ACCSL: variants seen among roughly 807,000 people sequenced by gnomAD.
ACCSL encodes the protein probable inactive 1-aminocyclopropane-1-carboxylate synthase-like protein 2.
In ACCSL, 55 loss-of-function variants were observed where a neutral mutation model predicts 61.7. That is an observed-to-expected ratio of 0.89 (90% confidence interval 0.72 to 1.12). ACCSL has a LOEUF of 1.12. ACCSL is among the 50% of genes most tolerant of loss of function. ACCSL has a pLI of 0.00. For missense variants in ACCSL, 632 were observed against 698.0 expected, an observed-to-expected ratio of 0.91 and a Z score of 1.07; for synonymous variants, 258 against 264.3, an observed-to-expected ratio of 0.98 and a Z score of 0.23.
At chr11:43,957,854 C>T in the ACCSL span, among the ~76,000 whole-genome samples, 1 of 152,186 alleles carries the variant, frequency 6.6e-6, no homozygotes, top group East Asian at 1.9e-4. Flanking sequence ...CCAACAACTT[C>T]CCGTCATGGC....
chr11:43,943,283 CCCGCGGGGGGGACGCGCGCGT>C, the ACCSL span: 12 of 1,481,300 alleles, frequency 8.1e-6, no homozygotes, highest in South Asian at 1.3e-5. This position sits in a 1 kb window ranked among gnomAD's most constrained non-coding sequence, Gnocchi z 4.8. Flanking sequence ...AGGGGCGCCG[CCCGCGGGGGGGACGCGCGCGT>C]CCGCGGTCCG....
the ACCSL span, among the ~76,000 whole-genome samples, chr11:44,011,828 G>C: frequency 6.6e-6 from 1 of 152,088 alleles, no homozygotes; most frequent in Admixed American, 6.6e-5. Context: ...GAAGTTAAAA[G>C]AACATTCCCT....
chr11:43,924,475 G>T, the ACCSL span, among the ~76,000 whole-genome samples: 1 of 152,238 alleles, frequency 6.6e-6, no homozygotes, highest in Non-Finnish European at 1.5e-5. Context: ...CCTTGTGACC[G>T]TGTTGTGAGG....
the ACCSL span, among the ~76,000 whole-genome samples, chr11:44,001,801 GT>G: frequency 6.7e-6 from 1 of 149,440 alleles, no homozygotes; most frequent in Non-Finnish European, 1.5e-5. Flanking sequence ...GTGTGTGTGT[GT>G]GTGTGTGTGT....
chr11:43,974,547 C>T, the ACCSL span, among the ~76,000 whole-genome samples: 3 of 152,178 alleles, frequency 2.0e-5, no homozygotes, highest in African/African-American at 7.2e-5. Context: ...GGTGGACATA[C>T]CTTTTGCATG....
At chr11:44,054,270 G>T (rs1383847454) in intron 8 of ACCSL, among the ~76,000 whole-genome samples, 1 of 152,068 alleles carries the variant, frequency 6.6e-6, no homozygotes, top group East Asian at 1.9e-4. Context: ...AACAGACTTA[G>T]TCAAACTTCA....
chr11:44,029,505 CTGAA>C, the ACCSL span, among the ~76,000 whole-genome samples: 2 of 152,180 alleles, frequency 1.3e-5, no homozygotes, highest in Non-Finnish European at 2.9e-5. Flanking sequence ...GTCATTATTG[CTGAA>C]TGAATGAAGT....
the ACCSL span, among the ~76,000 whole-genome samples, chr11:43,972,883 C>T: frequency 3.9e-4 from 60 of 152,294 alleles, no homozygotes; most frequent in East Asian, 3.7e-3. Flanking sequence ...GGCCTCACAC[C>T]TGTAATCCTA....
the ACCSL span, among the ~76,000 whole-genome samples, chr11:44,008,390 C>A: frequency 6.6e-6 from 1 of 152,218 alleles, no homozygotes; most frequent in African/African-American, 2.4e-5. Context: ...AGTCTCTGCT[C>A]ACTGGGTAGT....
At chr11:43,934,861 A>C in the ACCSL span, among the ~76,000 whole-genome samples, 4 of 152,292 alleles carry the variant, frequency 2.6e-5, no homozygotes, top group Admixed American at 2.6e-4. Context: ...GCTGCCTTGG[A>C]AACAAAGCCC....
the ACCSL span, among the ~76,000 whole-genome samples, chr11:43,966,620 G>A: frequency 6.6e-6 from 1 of 152,108 alleles, no homozygotes; most frequent in African/African-American, 2.4e-5. Context: ...TAAAAAATGT[G>A]CAAAGGATTT....
the ACCSL span, among the ~76,000 whole-genome samples, chr11:43,949,582 A>T: frequency 6.6e-6 from 1 of 152,204 alleles, no homozygotes; most frequent in Non-Finnish European, 1.5e-5. Context: ...TGGGAGGCTG[A>T]GGCAGGTGGA....
At chr11:43,997,410 T>C in the ACCSL span, among the ~76,000 whole-genome samples, 3 of 152,166 alleles carry the variant, frequency 2.0e-5, no homozygotes, top group Non-Finnish European at 4.4e-5. Flanking sequence ...TCAGGTTAAT[T>C]CTTAGTTTTT....
At chr11:44,047,333 G>A (rs867091068), upstream of ACCSL, among the ~76,000 whole-genome samples, 1 of 152,180 alleles carries the variant, frequency 6.6e-6, no homozygotes, top group African/African-American at 2.4e-5. Flanking sequence ...TATCTGGTAT[G>A]GCCAACCTGG....
the ACCSL span, among the ~76,000 whole-genome samples, chr11:43,936,103 G>A: frequency 6.6e-6 from 1 of 152,214 alleles, no homozygotes; most frequent in East Asian, 1.9e-4. Flanking sequence ...GAAAAATGTT[G>A]AAAGAGGTGT....
intron 6 of ACCSL, 33 bp from the exon 7 acceptor site, chr11:44,052,956 TAA>T: frequency 6.3e-7 from 1 of 1,592,376 alleles, no homozygotes. Flanking sequence ...ACTTAGATTT[TAA>T]GAGACACTTC....
the ACCSL span, among the ~76,000 whole-genome samples, chr11:43,954,898 G>A: frequency 6.6e-6 from 1 of 152,066 alleles, no homozygotes; most frequent in East Asian, 1.9e-4. Flanking sequence ...TATCTTTACT[G>A]TACATGTGGT....
the ACCSL span, among the ~76,000 whole-genome samples, chr11:43,929,014 C>T: frequency 6.6e-6 from 1 of 152,326 alleles, no homozygotes; most frequent in South Asian, 2.1e-4. Flanking sequence ...AATTTTAGTC[C>T]AGTAGACCTG....
the ACCSL span, among the ~76,000 whole-genome samples, chr11:44,033,003 G>A: frequency 1.3e-5 from 2 of 152,192 alleles, no homozygotes; most frequent in Non-Finnish European, 2.9e-5. Flanking sequence ...AATGTTTCTT[G>A]TATCAGCCTC....
Sources: allele counts gnomAD v4.1 joint callset (sites outside exome capture counted in the v4.1 genomes callset), GRCh38; gene constraint gnomAD v4.1.1; non-coding constraint Gnocchi (gnomAD v3.1); transcripts MANE v1.5; gene names NCBI Gene and HGNC (gene_info 2026-07-23, HGNC 2026-07-21).